RNLS: variants seen among roughly 807,000 people sequenced by gnomAD.
RNLS encodes renalase.
In RNLS, 39 loss-of-function variants were observed where a neutral mutation model predicts 39.8. That is an observed-to-expected ratio of 0.98 (90% CI 0.76 to 1.28). The LOEUF is 1.28. RNLS is among the 50% of genes most tolerant of loss of function. The pLI is 0.00. For synonymous variants in RNLS, 147 were observed against 150.7 expected (o/e 0.98, Z 0.18); for missense variants, 410 against 413.3 (o/e 0.99, Z 0.07).
intron 4 of RNLS, among the ~76,000 whole-genome samples, chr10:88,369,623 C>T (rs1564738620): frequency 6.6e-6 from 1 of 152,142 alleles, no homozygotes; most frequent in Non-Finnish European, 1.5e-5. Flanking sequence ...TTCCTAGGTG[C>T]CACAACATCC....
chr10:88,415,190 G>T (rs923126899), intron 4 of RNLS, among the ~76,000 whole-genome samples: 3 of 152,124 alleles, frequency 2.0e-5, no homozygotes, highest in African/African-American at 7.2e-5. Context: ...CCTGAGAAAG[G>T]GTTTTGTGGA....
chr10:88,536,018 A>G (rs1231495044), intron 4 of RNLS, among the ~76,000 whole-genome samples: 1 of 152,200 alleles, frequency 6.6e-6, no homozygotes, highest in Non-Finnish European at 1.5e-5. Context: ...GATGGTATCT[A>G]GAGGTGATAA....
chr10:88,208,641 T>G, the RNLS span, among the ~76,000 whole-genome samples: 1 of 152,126 alleles, frequency 6.6e-6, no homozygotes, highest in Non-Finnish European at 1.5e-5. Flanking sequence ...TGGAAAGGTT[T>G]CACCTGAGAC....
chr10:88,425,137 G>A (rs952412528), intron 4 of RNLS, among the ~76,000 whole-genome samples: 2 of 152,040 alleles, frequency 1.3e-5, no homozygotes, highest in African/African-American at 4.8e-5. Flanking sequence ...GGGGAGGAAG[G>A]GAACTGTGCA....
At chr10:88,262,187 G>C in the RNLS span, among the ~76,000 whole-genome samples, 1 of 152,078 alleles carries the variant, frequency 6.6e-6, no homozygotes, top group African/African-American at 2.4e-5. Flanking sequence ...GCCATAGACA[G>C]GAATTTTTTT....
the RNLS span, among the ~76,000 whole-genome samples, chr10:88,206,101 G>A: frequency 6.6e-6 from 1 of 152,156 alleles, no homozygotes; most frequent in Non-Finnish European, 1.5e-5. Context: ...TAATGCTGCA[G>A]TGGTTTCAGA....
At chr10:88,341,813 G>T (rs1194761444) in intron 5 of RNLS, among the ~76,000 whole-genome samples, 3 of 151,912 alleles carry the variant, frequency 2.0e-5, no homozygotes, top group African/African-American at 7.3e-5. Context: ...TTTTACAAAT[G>T]GTAAAAGATA....
the RNLS span, among the ~76,000 whole-genome samples, chr10:88,261,353 G>A: frequency 6.6e-6 from 1 of 152,156 alleles, no homozygotes; most frequent in African/African-American, 2.4e-5. Context: ...TAGTTATGCT[G>A]CAGTAACAAA....
intron 4 of RNLS, among the ~76,000 whole-genome samples, chr10:88,513,582 T>C (rs1846258905): frequency 6.6e-6 from 1 of 152,128 alleles, no homozygotes; most frequent in South Asian, 2.1e-4. Context: ...TCTGAATAAG[T>C]TGCAGATATC....
intron 5 of RNLS, among the ~76,000 whole-genome samples, chr10:88,332,420 T>C (rs556244384): frequency 6.1e-4 from 93 of 152,398 alleles, no homozygotes; most frequent in African/African-American, 2.1e-3. Flanking sequence ...TTCACTCTTA[T>C]ACTGTCATCT....
At chr10:88,253,580 C>A in the RNLS span, among the ~76,000 whole-genome samples, 4 of 152,136 alleles carry the variant, frequency 2.6e-5, no homozygotes, top group African/African-American at 7.2e-5. Flanking sequence ...CCATGTGGTG[C>A]CCTTTCACAA....
At chr10:88,210,607 G>A in the RNLS span, among the ~76,000 whole-genome samples, 7 of 152,096 alleles carry the variant, frequency 4.6e-5, no homozygotes, top group East Asian at 1.3e-3. Context: ...CAGAACAATT[G>A]TAACATTTTA....
Position 88,512,831 on chromosome 10 carries a change from A to T in RNLS, c.526+60072T>A, listed in dbSNP as rs191116956. Among the ~76,000 whole-genome samples, 7 of 152,286 alleles carry T rather than the reference A, an allele frequency of 4.6e-5. No homozygotes were observed. In the East Asian group the frequency reaches 1.4e-3, roughly 29 times the overall value. On this transcript the variant is annotated intron_variant, in intron 4 of 6. Coordinates refer to ENST00000331772, the MANE Select transcript of RNLS (RefSeq NM_001031709.3). ...ATGCCACACTCCTCTCATTACTGGC[A>T]GTGCAAAGTTACACCTACGTTTCAA...
intron 4 of RNLS, among the ~76,000 whole-genome samples, chr10:88,376,626 C>T (rs895275290): frequency 3.3e-5 from 5 of 152,098 alleles, no homozygotes; most frequent in Admixed American, 2.6e-4. Context: ...TTTTTCTAGT[C>T]ACTGAATCGC....
At chr10:88,175,614 A>G in the RNLS span, among the ~76,000 whole-genome samples, 14 of 152,186 alleles carry the variant, frequency 9.2e-5, no homozygotes, top group Admixed American at 7.2e-4. Flanking sequence ...GATACTTGAT[A>G]TAATTTTAAT....
intron 4 of RNLS, among the ~76,000 whole-genome samples, chr10:88,425,963 A>G (rs1277831018): frequency 1.3e-5 from 2 of 152,070 alleles, no homozygotes; most frequent in Admixed American, 6.6e-5. Context: ...CCTAGAATAG[A>G]ATGCACAAGT....
At chr10:88,185,809 T>C in the RNLS span, among the ~76,000 whole-genome samples, 1 of 152,142 alleles carries the variant, frequency 6.6e-6, no homozygotes, top group Non-Finnish European at 1.5e-5. Context: ...CAATGGGCTA[T>C]AAAAACCAGT....
chr10:88,274,854 A>G (rs1842753942), exon 7 of RNLS: 1 of 792,856 alleles, frequency 1.3e-6, no homozygotes, highest in African/African-American at 1.7e-5. Context: ...GCCAACATTT[A>G]TCTTCTGTTT....
the RNLS span, among the ~76,000 whole-genome samples, chr10:88,193,499 T>C: frequency 4.6e-5 from 7 of 152,126 alleles, no homozygotes; most frequent in African/African-American, 1.7e-4. Flanking sequence ...ACCACCACCC[T>C]GTACATTTCT....
Sources: allele counts gnomAD v4.1 joint callset (sites outside exome capture counted in the v4.1 genomes callset), GRCh38; gene constraint gnomAD v4.1.1; transcripts MANE v1.5; gene names NCBI Gene and HGNC (gene_info 2026-07-23, HGNC 2026-07-21).